Variants in PKHD1L1 observed in about 807,000 individuals in gnomAD.
PKHD1L1 encodes PKHD1 like 1, also known as fibrocystin-L.
PKHD1L1 carries 434 observed loss-of-function variants against 462.9 expected under a neutral mutation model. The observed-to-expected ratio is 0.94, with a 90% CI of 0.87 to 1.02. PKHD1L1 has a LOEUF of 1.02. Ranked by LOEUF, PKHD1L1 falls within the 50% of genes least tolerant of loss-of-function variation. The probability of loss-of-function intolerance (pLI) is 0.00; values close to 1 mark genes in which losing one functional copy is unlikely to be tolerated. For synonymous variants in PKHD1L1, 1,781 were observed against 1,750.0 expected, an observed-to-expected ratio of 1.02 and a Z score of -0.44; for missense variants, 5,202 against 5,096.1, an observed-to-expected ratio of 1.02 and a Z score of -0.63.
intron 50 of PKHD1L1, among the ~76,000 whole-genome samples, chr8:109,469,873 T>C (rs551969925): frequency 6.6e-6 from 1 of 152,146 alleles, no homozygotes; most frequent in Non-Finnish European, 1.5e-5. Context: ...AAATAAAAAC[T>C]GAAACAAAAG....
At chr8:109,493,460 A>ATGGTT (rs1283253423) in intron 62 of PKHD1L1, among the ~76,000 whole-genome samples, 1 of 151,690 alleles carries the variant, frequency 6.6e-6, no homozygotes, top group Non-Finnish European at 1.5e-5. Flanking sequence ...GTACTTAATG[A>ATGGTT]TGGTTTTACA....
chr8:109,471,174 T>A, intron 50 of PKHD1L1: 1 of 1,175,350 alleles, frequency 8.5e-7, no homozygotes, highest in East Asian at 2.5e-5. Flanking sequence ...TGTCTTTTTT[T>A]ATTACTAGTG....
chr8:109,449,562 C>T, intron 40 of PKHD1L1, 75 bp downstream of exon 40: 2 of 1,327,624 alleles, frequency 1.5e-6, no homozygotes, highest in Non-Finnish European at 2.0e-6. Context: ...TTTCTTTTTT[C>T]AAGTTCTTGG....
chr8:109,425,708 T>C (rs1231217794), intron 24 of PKHD1L1, among the ~76,000 whole-genome samples: 1 of 152,058 alleles, frequency 6.6e-6, no homozygotes, highest in Admixed American at 6.6e-5. Flanking sequence ...AACAATAATA[T>C]TAAAATAGAA....
At chr8:109,493,871 TAACTC>T (rs1818955465) in intron 63 of PKHD1L1, 120 bp downstream of exon 63, 1 of 551,428 alleles carries the variant, frequency 1.8e-6, no homozygotes, top group African/African-American at 1.9e-5. Context: ...GGCACTGAAA[TAACTC>T]AACAAGATAA....
chr8:109,364,109 C>T (rs949365388), intron 1 of PKHD1L1, among the ~76,000 whole-genome samples: 2 of 152,130 alleles, frequency 1.3e-5, no homozygotes, highest in Admixed American at 1.3e-4. Flanking sequence ...TCTCTTTGTA[C>T]CTGGTCTAGT....
intron 14 of PKHD1L1, among the ~76,000 whole-genome samples, chr8:109,402,495 G>T (rs117039562): frequency 6.6e-6 from 1 of 152,066 alleles, no homozygotes; most frequent in Non-Finnish European, 1.5e-5. Flanking sequence ...GACTAGCCCC[G>T]GTTTGTCACA....
At chr8:109,489,011 G>T (rs1437082586) in intron 59 of PKHD1L1, among the ~76,000 whole-genome samples, 1 of 151,916 alleles carries the variant, frequency 6.6e-6, no homozygotes, top group Admixed American at 6.6e-5. Flanking sequence ...CCTATAAATT[G>T]TTTTGTGACG....
At chr8:109,506,948 A>C (rs1434407117) in intron 68 of PKHD1L1, among the ~76,000 whole-genome samples, 1 of 152,024 alleles carries the variant, frequency 6.6e-6, no homozygotes, top group African/African-American at 2.4e-5. Context: ...ATCAATCAAC[A>C]CTCCAGGTAA....
intron 67 of PKHD1L1, among the ~76,000 whole-genome samples, chr8:109,501,792 GT>G (rs1819428263): frequency 6.6e-6 from 1 of 152,142 alleles, no homozygotes; most frequent in Non-Finnish European, 1.5e-5. Flanking sequence ...TGCCCATTTG[GT>G]TTTTCAGGTA....
rs375134993 is a variant in PKHD1L1, at chr8:109,445,545, C to T, written c.5676C>T (p.Val1892=). The change falls in exon 38 of 78, where the codon GTC becomes GTT. Residue 1892 remains valine (V), a synonymous_variant. Transcript: ENST00000378402. Reference sequence around the variant, plus strand: ...CTCCCGCTGGGACCACTGGAATGGTCGATGTTAAAATCTTTGTTAATACAA... The same window carrying T: ...CTCCCGCTGGGACCACTGGAATGGTTGATGTTAAAATCTTTGTTAATACAA... ...CRTPAGTTGM[V]DVKIFVNTIA... 33 of 1,612,694 alleles carry T rather than the reference C, an allele frequency of 2.0e-5. No individual in the cohort carries two copies. In the South Asian group the frequency reaches 2.4e-4, roughly 12 times the overall value.
intron 62 of PKHD1L1, among the ~76,000 whole-genome samples, chr8:109,492,821 C>G (rs1425399175): frequency 6.6e-6 from 1 of 151,718 alleles, no homozygotes; most frequent in South Asian, 2.1e-4. Context: ...GACTGTTTTG[C>G]TGACACCATA....
At position 109,399,982 on chromosome 8, in the gene PKHD1L1, T is replaced by C; in HGVS notation, c.1013-94T>C. 3 of 1,279,968 alleles carry C rather than the reference T, an allele frequency of 2.3e-6. No individual in the cohort carries two copies. The South Asian group carries it at 4.5e-5, about 19-fold the overall frequency. 79.3% of individuals were successfully genotyped at this position (1,279,968 alleles called of 1,614,324 possible). A position where few individuals can be genotyped will look rare whatever the true frequency, so the allele number is the denominator to read the frequency against. Reference sequence around the variant, plus strand: ...CACACATACTAAAAATATGAATTGATATACAAAATCTATAACCAACATCCA... The same window carrying C: ...CACACATACTAAAAATATGAATTGACATACAAAATCTATAACCAACATCCA... On this transcript the variant is annotated intron_variant, in intron 12 of 77. Transcript: ENST00000378402.
Position 109,445,158 on chromosome 8 carries a change from A to T in PKHD1L1, c.5289A>T (p.Val1763=), listed in dbSNP as rs769569354. The change falls in exon 38 of 78, where the codon GTA becomes GTT. Residue 1763 remains valine, a synonymous_variant. Coordinates refer to ENST00000378402, the MANE Select transcript of PKHD1L1 (RefSeq NM_177531.6). The part of the protein sequence containing the change: ...GVFPNSVIGS[V]KVLIEGEGLG... Reference sequence around the variant, plus strand: ...TCCCAAACTCTGTCATAGGATCTGTAAAAGTTCTTATTGAAGGAGAAGGTT... The same window carrying T: ...TCCCAAACTCTGTCATAGGATCTGTTAAAGTTCTTATTGAAGGAGAAGGTT... 2 of 1,613,938 alleles carry T rather than the reference A, an allele frequency of 1.2e-6. No homozygotes were observed. Among genetic ancestry groups the T allele is most frequent in the Non-Finnish European group, 8.5e-7 (1 of 1,179,880 alleles).
rs1342332391 is a variant in PKHD1L1, at chr8:109,535,880, A to G, written c.*5790A>G. On this transcript the variant is annotated 3_prime_UTR_variant, in exon 78 of 78. Transcript: ENST00000378402. ...GATCTTGGTATGAAATAAATATCCC[A>G]TGAGTAGTACATAAAAGCCTGGAGA... 1.3e-5 allele frequency among the ~76,000 whole-genome samples: 2 copies of G among 152,212 alleles called. No homozygotes were observed. The highest frequency in any genetic ancestry group is 4.8e-5 in the African/African-American group (2 of 41,454).
chr8:109,389,928 G>A (rs1214351210), intron 8 of PKHD1L1, among the ~76,000 whole-genome samples: 1 of 151,896 alleles, frequency 6.6e-6, no homozygotes, highest in East Asian at 1.9e-4. Flanking sequence ...TCTCAAAAAG[G>A]CCTAGGTCAT....
intron 29 of PKHD1L1, 129 bp downstream of exon 29, chr8:109,435,483 T>C (rs1257882711): frequency 1.0e-6 from 1 of 998,814 alleles, no homozygotes; most frequent in Non-Finnish European, 1.4e-6. Flanking sequence ...AAAGTCTCCT[T>C]CGAGAAGGTA....
At position 109,476,606 on chromosome 8, in the gene PKHD1L1, G is replaced by T; in HGVS notation, c.8856G>T (p.Trp2952Cys). Residue 2952 changes from tryptophan (W) to cysteine (C), a missense_variant, in exon 52 of 78, where the codon TGG becomes TGT. Around this residue, in one of 3 missense-constraint regions of PKHD1L1, gnomAD observed 4,497 missense variants for 4,336.8 expected, o/e 1.04. Coordinates refer to ENST00000378402, the MANE Select transcript of PKHD1L1 (RefSeq NM_177531.6). Reference sequence around the variant, plus strand: ...ATGGTTCCTCAAATCCATTGAATTGGAATACTAGCAAGAATGGGGACTGGC... The same window carrying T: ...ATGGTTCCTCAAATCCATTGAATTGTAATACTAGCAAGAATGGGGACTGGC... Reference protein sequence around the residue: ...MRNGSSNPLNWNTSKNGDWHL... With the variant: ...MRNGSSNPLNCNTSKNGDWHL... 1.3e-6 allele frequency: 2 copies of T among 1,594,854 alleles called. No individual in the cohort carries two copies. The highest frequency in any genetic ancestry group is 1.1e-5 in the South Asian group (1 of 88,128).
chr8:109,452,956 G>A, intron 43 of PKHD1L1, 82 bp downstream of exon 43: 1 of 1,167,724 alleles, frequency 8.6e-7, no homozygotes. Flanking sequence ...CCACAATTAT[G>A]AACAAACATA....
Sources: allele counts gnomAD v4.1 joint callset (sites outside exome capture counted in the v4.1 genomes callset), GRCh38; gene constraint gnomAD v4.1.1; regional missense constraint gnomAD v4.1.1; transcripts MANE v1.5; gene names NCBI Gene and HGNC (gene_info 2026-07-23, HGNC 2026-07-21).